TG: variants seen among roughly 807,000 people sequenced by gnomAD.
TG encodes thyroglobulin.
TG carries 270 observed loss-of-function variants against 324.7 expected under a neutral mutation model. That is an observed-to-expected ratio of 0.83 (90% CI 0.75 to 0.92). The LOEUF (loss-of-function observed/expected upper bound fraction) is 0.92. Among genes scored for constraint, TG ranks in the 40% least tolerant of loss-of-function variants. The probability of loss-of-function intolerance (pLI) is 0.00; values close to 1 mark genes in which losing one functional copy is unlikely to be tolerated. For synonymous variants in TG, 1,401 were observed against 1,327.0 expected, an observed-to-expected ratio of 1.06 and a Z score of -1.21; for missense variants, 3,591 against 3,456.4, an observed-to-expected ratio of 1.04 and a Z score of -0.98.
chr8:132,887,209 G>A lies in TG; in HGVS notation c.1837G>A (p.Glu613Lys). Reference sequence around the variant, plus strand: ...CTCCCAGACCTGTGAGCAGACACCTGAAAGGCTATTTGTCCCATCATGCAC... The same window carrying A: ...CTCCCAGACCTGTGAGCAGACACCTAAAAGGCTATTTGTCCCATCATGCAC... ...LSSQTCEQTP[E>K]RLFVPSCTTE... The change falls in exon 9 of 48, where the codon GAA becomes AAA. Residue 613 changes from glutamate (E) to lysine (K), a missense_variant. Transcript: ENST00000220616. 1 of 1,612,282 alleles carries A rather than the reference G, an allele frequency of 6.2e-7. No homozygotes were observed. Among genetic ancestry groups the A allele is most frequent in the Non-Finnish European group, 8.5e-7 (1 of 1,178,812 alleles).
In TG at chr8:132,933,684, G is replaced by A; in HGVS notation, c.4932+8G>A. 1 of 1,613,282 alleles carries A rather than the reference G, an allele frequency of 6.2e-7. No individual in the cohort carries two copies. ...TGCATGACTTCTGACCAGGTGAGGTGGGGCAGCCACGTGTGGTTCTGCTCC... is the reference window on the plus strand; with the variant it reads ...TGCATGACTTCTGACCAGGTGAGGTAGGGCAGCCACGTGTGGTTCTGCTCC... On this transcript the variant is annotated splice_region_variant and intron_variant, in intron 24 of 47. Transcript: ENST00000220616.
rs185089763 is a variant in TG at position 132,894,074 on chromosome 8, T to C, written c.3001+145T>C. The C allele has an allele frequency of 8.6e-4, 1,088 of 1,261,386 alleles. 7 individuals are homozygous for C. The African/African-American group carries it at 0.014, about 16-fold the overall frequency. 78.1% of individuals were successfully genotyped at this position (1,261,386 alleles called of 1,614,324 possible). On this transcript the variant is annotated intron_variant, in intron 11 of 47. Transcript: ENST00000220616. ...CTTGGGAAGGAAAAGGCAAAGTGGT[T>C]TGGGGGCACCAGTCAAAGCTGGAAT...
chr8:132,886,647 G>A lies in TG; in HGVS notation c.1275G>A (p.Met425Ile). Residue 425 changes from methionine to isoleucine, a missense_variant, in exon 9 of 48, where the codon ATG becomes ATA. Physicochemically the swap from Met to Ile is conservative, Grantham distance 10. Coordinates refer to ENST00000220616, the MANE Select transcript of TG (RefSeq NM_003235.5). ...TGGACTCTGGGCTTCTCCGCCCAAT[G>A]GTGGAGGGACAGAGCCAACAGTTTT... is the stretch of plus-strand genomic sequence containing the variant. ...LFVDSGLLRP[M>I]VEGQSQQFSV... 1.9e-6 allele frequency: 3 copies of A among 1,614,196 alleles called. No homozygotes were observed. Among genetic ancestry groups the A allele is most frequent in the Non-Finnish European group, 2.5e-6 (3 of 1,180,044 alleles).
intron 4 of TG, among the ~76,000 whole-genome samples, chr8:132,871,891 C>T (rs1839512168): frequency 6.6e-6 from 1 of 152,132 alleles, no homozygotes; most frequent in African/African-American, 2.4e-5. Flanking sequence ...CACCAGTGGA[C>T]CACATACATG....
chr8:133,007,700 GGGATTAAAGACAATTAAA>G (rs1834143963), intron 35 of TG, among the ~76,000 whole-genome samples: 1 of 151,676 alleles, frequency 6.6e-6, no homozygotes, highest in Non-Finnish European at 1.5e-5. Flanking sequence ...ATTTTATGAT[GGGATTAAAGACAATTAAA>G]GGCATAGGCA....
intron 41 of TG, chr8:133,049,706 G>T (rs1840060302): frequency 3.5e-6 from 2 of 576,204 alleles, no homozygotes; most frequent in East Asian, 2.9e-5. Flanking sequence ...TGAGGGAGAA[G>T]TTGAGTCCCA....
intron 20 of TG, among the ~76,000 whole-genome samples, chr8:132,918,597 T>C (rs1820706910): frequency 6.6e-6 from 1 of 152,198 alleles, no homozygotes; most frequent in African/African-American, 2.4e-5. Context: ...CACTCATTGG[T>C]ACTGACTTCT....
intron 45 of TG, among the ~76,000 whole-genome samples, chr8:133,128,337 GCACACACA>G (rs59451880): frequency 0.21 from 28,110 of 133,660 alleles, 3,127 homozygotes; most frequent in African/African-American, 0.24. Context: ...CAAAAGGCGT[GCACACACA>G]CACACACACA....
rs756744668 is a variant in TG, at chr8:133,133,651, A to G, written c.8179A>G (p.Thr2727Ala). 6.8e-6 allele frequency: 11 copies of G among 1,613,766 alleles called. No individual in the cohort carries two copies. The highest frequency in any genetic ancestry group is 2.7e-5 in the African/African-American group (2 of 74,934). The change falls in exon 47 of 48, where the codon ACA becomes GCA. Residue 2727 changes from threonine to alanine, a missense_variant. Thr to Ala is a moderately conservative substitution (Grantham distance 58). Transcript: ENST00000220616. Reference protein sequence around the residue: ...FWSKYISSLKTSADGAKGGQS... With the variant: ...FWSKYISSLKASADGAKGGQS... ...GTCCAAGTACATCTCGTCTCTGAAG[A>G]CATCTGCAGGTAGCAAAGCCCTGGG...
rs58517974 is a variant in TG at position 133,030,298 on chromosome 8, T to G, written c.7239+275T>G. Among the ~76,000 whole-genome samples the G allele has an allele frequency of 0.025, 3,761 of 152,304 alleles. 150 individuals carry two copies. Among genetic ancestry groups the G allele is most frequent in the African/African-American group, 0.086 (3,565 of 41,552 alleles). ...AGTGGTTCATTAGGATTTAGTGATC[T>G]GAACCATCAATTATCTCTCTTGTCA... is the stretch of plus-strand genomic sequence containing the variant. On this transcript the variant is annotated intron_variant, in intron 41 of 47. Transcript: ENST00000220616.
intron 10 of TG, among the ~76,000 whole-genome samples, chr8:132,892,700 T>C (rs768568440): frequency 9.9e-5 from 15 of 151,774 alleles, no homozygotes; most frequent in Non-Finnish European, 2.9e-5. Flanking sequence ...TATGTGTGTG[T>C]GGTGTGTGTT....
At chr8:132,959,617 T>G (rs1422938876) in intron 27 of TG, among the ~76,000 whole-genome samples, 1 of 152,154 alleles carries the variant, frequency 6.6e-6, no homozygotes, top group Non-Finnish European at 1.5e-5. Context: ...TTCTGGTTGG[T>G]AAGAGATGCA....
intron 43 of TG, among the ~76,000 whole-genome samples, chr8:133,111,846 T>C (rs1188032006): frequency 3.3e-5 from 5 of 152,230 alleles, no homozygotes; most frequent in East Asian, 1.9e-4. Context: ...ATAATCAAAA[T>C]GTTATTGATA....
chr8:133,071,880 A>G (rs1034202534), intron 41 of TG, among the ~76,000 whole-genome samples: 1 of 152,290 alleles, frequency 6.6e-6, no homozygotes, highest in Non-Finnish European at 1.5e-5. Context: ...CATGTCTATT[A>G]TATTCCTCAA....
At chr8:132,884,654 A>G (rs1815130084) in intron 8 of TG, among the ~76,000 whole-genome samples, 1 of 152,188 alleles carries the variant, frequency 6.6e-6, no homozygotes. Context: ...TTCTACTAAA[A>G]CCTAGAGAAT....
chr8:133,111,254 T>C (rs994669322), intron 43 of TG, among the ~76,000 whole-genome samples: 1 of 152,102 alleles, frequency 6.6e-6, no homozygotes, highest in African/African-American at 2.4e-5. Flanking sequence ...AGACCTGGGG[T>C]TAAATCTCAC....
At chr8:133,071,373 G>C (rs1367950162) in intron 41 of TG, among the ~76,000 whole-genome samples, 1 of 152,198 alleles carries the variant, frequency 6.6e-6, no homozygotes, top group East Asian at 1.9e-4. Flanking sequence ...CTAGAGCCTG[G>C]CTCCCAGCTA....
At chr8:133,050,046 T>C in intron 41 of TG, 1 of 1,087,664 alleles carries the variant, frequency 9.2e-7, no homozygotes, top group Non-Finnish European at 1.4e-6. Flanking sequence ...AACCAAAGGA[T>C]GAATGAACAG....
intron 45 of TG, among the ~76,000 whole-genome samples, chr8:133,129,299 G>C (rs1281195458): frequency 1.3e-5 from 2 of 152,334 alleles, no homozygotes; most frequent in Admixed American, 6.5e-5. Context: ...GCAGTGCTCT[G>C]TGGCCTTTCT....
Sources: gnomAD v4.1 joint callset for allele counts (sites outside exome capture counted in the v4.1 genomes callset) on GRCh38, gnomAD v4.1.1 for gene constraint, MANE v1.5 for transcripts, NCBI Gene and HGNC (gene_info 2026-07-23, HGNC 2026-07-21) for gene names.